FBXO2: variants seen among roughly 807,000 people sequenced by gnomAD.
FBXO2 encodes the protein F-box protein 2.
In FBXO2, 32 loss-of-function variants were observed where a neutral mutation model predicts 38.6. The ratio of observed to expected loss-of-function variants is 0.83; its 90% CI spans 0.62 to 1.11. FBXO2 has a LOEUF of 1.11. FBXO2 is among the 50% of genes most tolerant of loss of function. The pLI, the probability that FBXO2 is intolerant of heterozygous loss-of-function variation, is 0.00. For missense variants in FBXO2, 450 were observed against 418.3 expected, an observed-to-expected ratio of 1.08 and a Z score of -0.66; for synonymous variants, 189 against 182.9, an observed-to-expected ratio of 1.03 and a Z score of -0.27.
At position 11,650,674 on chromosome 1, in the gene FBXO2, T is replaced by C. The variant is rs1639503470; in HGVS notation, c.183A>G (p.Ala61=). 1.9e-6 allele frequency: 3 copies of C among 1,542,298 alleles called. No individual in the cohort carries two copies. In the African/African-American group the frequency reaches 4.1e-5, roughly 21 times the overall value. The change falls in exon 2 of 6, where the codon GCA becomes GCG. Residue 61 remains alanine, a synonymous_variant. Coordinates refer to ENST00000354287, the MANE Select transcript of FBXO2 (RefSeq NM_012168.6). ...PEPLLLRVLA[A]LPAAELVQAC... is the part of the protein sequence containing the mutation. ...CCTGCACCAGCTCGGCGGCCGGCAGTGCGGCCAGCACGCGCAGCAGCAGCG... is the reference window on the plus strand; with the variant it reads ...CCTGCACCAGCTCGGCGGCCGGCAGCGCGGCCAGCACGCGCAGCAGCAGCG...
chr1:11,649,035 A>ACGCCCCTCATGTCCGTGCCC lies in FBXO2; in HGVS notation c.756+32_756+51dup, dbSNP rs1224158291. The ACGCCCCTCATGTCCGTGCCC allele has an allele frequency of 3.8e-4, 547 of 1,422,094 alleles. 5 individuals are homozygous for ACGCCCCTCATGTCCGTGCCC. The East Asian group carries it at 0.013, about 33-fold the overall frequency. 88.1% of individuals were successfully genotyped at this position (1,422,094 alleles called of 1,614,324 possible). A position where few individuals can be genotyped will look rare whatever the true frequency, so the allele number is the denominator to read the frequency against. On this transcript the variant is annotated intron_variant, in intron 5 of 5. Coordinates refer to ENST00000354287, the MANE Select transcript of FBXO2 (RefSeq NM_012168.6). ...GCTGTGGGCGGGGTCTCCTCGAGCC[A>ACGCCCCTCATGTCCGTGCCC]CGCCCCTCATGTCCGTGCCCCACCC... is the stretch of plus-strand genomic sequence containing the variant.
chr1:11,654,300 CG>C lies in FBXO2; in HGVS notation c.22+18del, dbSNP rs1169066340. 5.4e-6 allele frequency: 8 copies of C among 1,485,708 alleles called. No individual in the cohort carries two copies. In the East Asian group the frequency reaches 2.3e-4, roughly 44 times the overall value. The allele number at this position is 1,485,708 out of a possible 1,614,324, so 92.0% of individuals were successfully genotyped here. Reference sequence around the variant, plus strand: ...CATCTCCCCTCCCCGCCGCAGCGAGCGGTCCAGGCGTCGGCTACCTGGGTCA... The same window carrying C: ...CATCTCCCCTCCCCGCCGCAGCGAGCGTCCAGGCGTCGGCTACCTGGGTCA... On this transcript the variant is annotated intron_variant, in intron 1 of 5. Transcript: ENST00000354287.
chr1:11,648,975 G>GCCCAT lies in FBXO2; in HGVS notation c.756+111_756+112insATGGG. ...TCTCCACCACCCGGTGACTATCTCA[G>GCCCAT]CCCAGCCCAGCCCAGCCCACCCCAG... On this transcript the variant is annotated intron_variant, in intron 5 of 5. Coordinates refer to ENST00000354287, the MANE Select transcript of FBXO2 (RefSeq NM_012168.6). The surrounding 1 kb of genome is among the most constrained non-coding windows in gnomAD (Gnocchi z 4.2). 1 of 1,280,172 alleles carries GCCCAT rather than the reference G, an allele frequency of 7.8e-7. No homozygotes were observed. Among genetic ancestry groups the GCCCAT allele is most frequent in the Non-Finnish European group, 1.1e-6 (1 of 922,496 alleles). The allele number at this position is 1,280,172 out of a possible 1,614,324, so 79.3% of individuals were successfully genotyped here.
intron 2 of FBXO2, 66 bp downstream of exon 2, chr1:11,650,400 A>G (rs567399111): frequency 1.3e-4 from 199 of 1,549,996 alleles, no homozygotes; most frequent in Non-Finnish European, 1.7e-4. Flanking sequence ...CCTCAAAGCC[A>G]GGCGGCGCCG....
chr1:11,653,977 GA>G (rs1389746000), intron 1 of FBXO2: 3 of 282,964 alleles, frequency 1.1e-5, no homozygotes, highest in Non-Finnish European at 1.3e-5. Flanking sequence ...GCTGATGAAA[GA>G]AAAGGCTCGC....
At chr1:11,650,902 A>T in intron 1 of FBXO2, 68 bp from the exon 2 acceptor site, 2 of 1,519,658 alleles carry the variant, frequency 1.3e-6, no homozygotes, top group South Asian at 2.4e-5. Context: ...CCAGGACTGC[A>T]ATGTGCCCGT....
In FBXO2 at chr1:11,654,395, TC is replaced by T; in HGVS notation, c.-56del. 3.0e-6 allele frequency: 4 copies of T among 1,338,744 alleles called. No homozygotes were observed. Among genetic ancestry groups the T allele is most frequent in the Non-Finnish European group, 2.9e-6 (3 of 1,047,398 alleles). 82.9% of individuals were successfully genotyped at this position (1,338,744 alleles called of 1,614,324 possible). A position where few individuals can be genotyped will look rare whatever the true frequency, so the allele number is the denominator to read the frequency against. ...GCCGGAGCGCTGCGGGCTGCGCGAG[TC>T]CCGGGGCGGCGAGTCCCGGCGCTGT... On this transcript the variant is annotated 5_prime_UTR_variant, in exon 1 of 6. Coordinates refer to ENST00000354287, the MANE Select transcript of FBXO2 (RefSeq NM_012168.6).
chr1:11,650,661 C>CGGCGG lies in FBXO2; in HGVS notation c.191_195dup (p.Glu66ProfsTer53). On this transcript the variant is annotated frameshift_variant, in exon 2 of 6. Transcript: ENST00000354287. LOFTEE classifies it high-confidence loss of function. ...ACCAGGCGGCAGGCCTGCACCAGCT[C>CGGCGG]GGCGGCCGGCAGTGCGGCCAGCACG... The CGGCGG allele has an allele frequency of 1.3e-6, 2 of 1,549,654 alleles. No individual in the cohort carries two copies. The highest frequency in any genetic ancestry group is 1.7e-6 in the Non-Finnish European group (2 of 1,153,298).
intron 1 of FBXO2, 40 bp from the exon 2 acceptor site, chr1:11,650,874 C>A: frequency 6.4e-7 from 1 of 1,553,772 alleles, no homozygotes; most frequent in South Asian, 1.2e-5. Flanking sequence ...ATTCCTCCAC[C>A]CTGTACTCCT....
chr1:11,653,003 T>C (rs1639557323), intron 1 of FBXO2, among the ~76,000 whole-genome samples: 1 of 152,212 alleles, frequency 6.6e-6, no homozygotes, highest in Admixed American at 6.5e-5. Flanking sequence ...ACCGGCCCCT[T>C]TGGCAAAGAG....
chr1:11,650,559 C>T lies in FBXO2; in HGVS notation c.298G>A (p.Glu100Lys), dbSNP rs145470928. ...TCGCGCTCCTCCTCCACGCCGCCCTCGGGCACCAGCCCCTCCTGCTGGCAC... is the reference window on the plus strand; with the variant it reads ...TCGCGCTCCTCCTCCACGCCGCCCTTGGGCACCAGCCCCTCCTGCTGGCAC... Reference protein sequence around the residue: ...LKCQQEGLVPEGGVEEERDHW... With the variant: ...LKCQQEGLVPKGGVEEERDHW... The change falls in exon 2 of 6, where the codon GAG becomes AAG. Residue 100 changes from glutamate (E) to lysine (K), a missense_variant. Physicochemically the swap from Glu to Lys is moderately conservative, Grantham distance 56 (BLOSUM62 1). Transcript: ENST00000354287. 2.1e-4 allele frequency: 336 copies of T among 1,595,294 alleles called. No individual in the cohort carries two copies. The highest frequency in any genetic ancestry group is 2.2e-4 in the Non-Finnish European group (256 of 1,172,924).
rs374850495 is a variant in FBXO2 at position 11,649,206 on chromosome 1, C to A, written c.637G>T (p.Ala213Ser). 1 of 1,354,256 alleles carries A rather than the reference C, an allele frequency of 7.4e-7. No homozygotes were observed. 83.9% of individuals were successfully genotyped at this position (1,354,256 alleles called of 1,614,324 possible). Residue 213 changes from alanine to serine, a missense_variant, in exon 5 of 6, where the codon GCT becomes TCT. Transcript: ENST00000354287. ...ACGGTGAGCTCGTAGAGGCAACCAG[C>A]GTCGCTGCGGCCCGAGTACCTGCTC... ...VKDWYSGRSD[A>S]GCLYELTVKL...
In FBXO2 at chr1:11,648,966, A is replaced by ACTATCTCAGC; in HGVS notation, c.756+111_756+120dup. On this transcript the variant is annotated intron_variant, in intron 5 of 5. Transcript: ENST00000354287. The surrounding 1 kb of genome is among the most constrained non-coding windows in gnomAD (Gnocchi z 4.2). ...TCAGAACTCTCTCCACCACCCGGTG[A>ACTATCTCAGC]CTATCTCAGCCCAGCCCAGCCCAGC... 2 of 1,146,560 alleles carry ACTATCTCAGC rather than the reference A, an allele frequency of 1.7e-6. No individual in the cohort carries two copies. Among genetic ancestry groups the ACTATCTCAGC allele is most frequent in the Non-Finnish European group, 1.2e-6 (1 of 810,230 alleles). The allele number at this position is 1,146,560 out of a possible 1,614,324, so 71.0% of individuals were successfully genotyped here. A position where few individuals can be genotyped will look rare whatever the true frequency, so the allele number is the denominator to read the frequency against.
chr1:11,650,900 G>T, intron 1 of FBXO2, 66 bp from the exon 2 acceptor site: 1 of 1,521,584 alleles, frequency 6.6e-7, no homozygotes. Context: ...CCCCAGGACT[G>T]CAATGTGCCC....
At position 11,648,628 on chromosome 1, in the gene FBXO2, T is replaced by G. The variant is rs1295247042; in HGVS notation, c.*66A>C. On this transcript the variant is annotated 3_prime_UTR_variant, in exon 6 of 6. Coordinates refer to ENST00000354287, the MANE Select transcript of FBXO2 (RefSeq NM_012168.6). This position sits in a 1 kb window ranked among gnomAD's most constrained non-coding sequence, Gnocchi z 4.2. Reference sequence around the variant, plus strand: ...GAAGGTGAGGACGCTATGGACTAAGTTAAGGCCTATCTACCCTCGACCTTT... The same window carrying G: ...GAAGGTGAGGACGCTATGGACTAAGGTAAGGCCTATCTACCCTCGACCTTT... The G allele has an allele frequency of 6.3e-7, 1 of 1,588,202 alleles. No individual in the cohort carries two copies. Among genetic ancestry groups the G allele is most frequent in the Middle Eastern group, 1.7e-4 (1 of 5,982 alleles).
chr1:11,650,181 G>A, intron 2 of FBXO2, 107 bp from the exon 3 acceptor site: 1 of 1,509,518 alleles, frequency 6.6e-7, no homozygotes, highest in Middle Eastern at 2.2e-4. Flanking sequence ...GTGTCTTGGT[G>A]GGCAGATGAT....
chr1:11,653,791 G>GC (rs1639590355), intron 1 of FBXO2, among the ~76,000 whole-genome samples: 2 of 152,138 alleles, frequency 1.3e-5, no homozygotes, highest in Non-Finnish European at 2.9e-5. Flanking sequence ...AGCCAAAGCT[G>GC]CCCCCAACGC....
chr1:11,654,402 G>A lies in FBXO2; in HGVS notation c.-62C>T. 7.5e-7 allele frequency: 1 copy of A among 1,332,204 alleles called. No homozygotes were observed. Among genetic ancestry groups the A allele is most frequent in the Non-Finnish European group, 9.6e-7 (1 of 1,042,604 alleles). 82.5% of individuals were successfully genotyped at this position (1,332,204 alleles called of 1,614,324 possible). A position where few individuals can be genotyped will look rare whatever the true frequency, so the allele number is the denominator to read the frequency against. ...CGCTGCGGGCTGCGCGAGTCCCGGG[G>A]CGGCGAGTCCCGGCGCTGTCCGCGT... On this transcript the variant is annotated 5_prime_UTR_variant, in exon 1 of 6. Transcript: ENST00000354287.
At chr1:11,650,121 G>A in intron 2 of FBXO2, 47 bp from the exon 3 acceptor site, 1 of 1,607,534 alleles carries the variant, frequency 6.2e-7, no homozygotes, top group Non-Finnish European at 8.5e-7. Context: ...TCCCTGCTAA[G>A]GCTGGCTCTT....
Sources: allele counts gnomAD v4.1 joint callset (sites outside exome capture counted in the v4.1 genomes callset), GRCh38; gene constraint gnomAD v4.1.1; non-coding constraint Gnocchi (gnomAD v3.1); transcripts MANE v1.5; gene names NCBI Gene and HGNC (gene_info 2026-07-23, HGNC 2026-07-21).